RBFOX1: variants seen among roughly 807,000 people sequenced by gnomAD.
The protein encoded by RBFOX1 is RNA binding fox-1 homolog 1.
In RBFOX1, 8 loss-of-function variants were observed where a neutral mutation model predicts 57.7. The observed-to-expected ratio is 0.14, with a 90% confidence interval of 0.08 to 0.25. The LOEUF is 0.25. Ranked by LOEUF, RBFOX1 falls within the 10% of genes least tolerant of loss-of-function variation. The pLI is 1.00. For synonymous variants in RBFOX1, 326 were observed against 222.4 expected (o/e 1.47, Z -4.15); for missense variants, 611 against 548.5 (o/e 1.11, Z -1.14).
At chr16:6,417,515 G>A (rs1328473484) in intron 2 of RBFOX1, among the ~76,000 whole-genome samples, 4 of 139,350 alleles carry the variant, frequency 2.9e-5, no homozygotes, top group South Asian at 2.3e-4. Flanking sequence ...TCAGCCTCCC[G>A]AATAGCTGGG....
intron 13 of RBFOX1, among the ~76,000 whole-genome samples, chr16:7,670,669 T>C (rs2071115135): frequency 6.6e-6 from 1 of 152,042 alleles, no homozygotes; most frequent in South Asian, 2.1e-4. Flanking sequence ...ACTTTTAACA[T>C]AAGGAAGCAA....
At chr16:7,557,620 AAAAAAAAAAAAAAAAAAAAAAAGAAAAAG>A (rs1220906937) in intron 5 of RBFOX1, among the ~76,000 whole-genome samples, 1 of 42,954 alleles carries the variant, frequency 2.3e-5, no homozygotes, top group Non-Finnish European at 4.6e-5. Flanking sequence ...ACTCTGTCTC[AAAAAAAAAAAAAAAAAAAAAAAGAAAAAG>A]AAAAAAAAAA....
intron 3 of RBFOX1, among the ~76,000 whole-genome samples, chr16:6,659,799 G>A (rs1401040130): frequency 1.3e-5 from 2 of 152,158 alleles, no homozygotes; most frequent in Non-Finnish European, 2.9e-5. Context: ...GGGGTGGTCA[G>A]ATGTCTTCTG....
chr16:7,402,836 G>C (rs962995615), intron 4 of RBFOX1, among the ~76,000 whole-genome samples: 15 of 152,116 alleles, frequency 9.9e-5, no homozygotes, highest in African/African-American at 2.7e-4. Flanking sequence ...ATTTATCTGA[G>C]GGCACCTGTA....
At chr16:6,176,245 A>G (rs2097006823) in intron 1 of RBFOX1, among the ~76,000 whole-genome samples, 2 of 151,302 alleles carry the variant, frequency 1.3e-5, no homozygotes, top group Admixed American at 6.6e-5. Flanking sequence ...TCCCCAGTTC[A>G]AGTAATTCTC....
intron 1 of RBFOX1, among the ~76,000 whole-genome samples, chr16:6,096,729 C>T (rs1424121): frequency 0.14 from 22,041 of 152,160 alleles, 2,146 homozygotes; most frequent in African/African-American, 0.27. Flanking sequence ...ATTGTCACTA[C>T]GAAATAAAGG....
intron 4 of RBFOX1, among the ~76,000 whole-genome samples, chr16:7,218,046 C>T (rs2092382427): frequency 6.8e-6 from 1 of 148,084 alleles, no homozygotes; most frequent in Non-Finnish European, 1.5e-5. Context: ...CGTGTGCGTG[C>T]ATTTGCATGC....
At chr16:5,242,432 C>A (rs2001555) in intron 1 of RBFOX1, among the ~76,000 whole-genome samples, 2 of 151,320 alleles carry the variant, frequency 1.3e-5, no homozygotes, top group Non-Finnish European at 3.0e-5. Context: ...AAATTTGGCC[C>A]AAAGCCCACT....
In RBFOX1 at chr16:6,145,169, T is replaced by C. The variant is rs1002266201; in HGVS notation, c.-127+125177T>C. On this transcript the variant is annotated intron_variant, in intron 1 of 15. Transcript: ENST00000550418. ...CCTACTGCCCATTAGTTATATTTCC[T>C]GATCCTCTCCCATTTCCCACCCTCC... Among the ~76,000 whole-genome samples the C allele has an allele frequency of 3.9e-5, 6 of 152,258 alleles. No homozygotes were observed. In the East Asian group the frequency reaches 1.2e-3, roughly 29 times the overall value.
At chr16:6,961,152 G>C (rs12923288) in intron 3 of RBFOX1, among the ~76,000 whole-genome samples, 89,234 of 146,944 alleles carry the variant, frequency 0.61, 27,281 homozygotes, top group Non-Finnish European at 0.63. Flanking sequence ...CACCCACACA[G>C]ACACACACAC....
intron 3 of RBFOX1, among the ~76,000 whole-genome samples, chr16:7,043,176 G>T (rs144290847): frequency 1.3e-5 from 2 of 152,232 alleles, no homozygotes; most frequent in East Asian, 1.9e-4. Context: ...CTCAGCTCCA[G>T]AAACAACTGA....
At chr16:7,687,206 G>A (rs2076252707) in intron 14 of RBFOX1, among the ~76,000 whole-genome samples, 1 of 151,988 alleles carries the variant, frequency 6.6e-6, no homozygotes, top group South Asian at 2.1e-4. Flanking sequence ...ACACTAAACT[G>A]AATAAAAGTG....
intron 3 of RBFOX1, among the ~76,000 whole-genome samples, chr16:6,909,528 C>CTG (rs1482105099): frequency 6.6e-6 from 1 of 152,206 alleles, no homozygotes; most frequent in Admixed American, 6.5e-5. Context: ...GGCGTTCCAC[C>CTG]TGTGTGATGG....
intron 1 of RBFOX1, among the ~76,000 whole-genome samples, chr16:5,282,958 C>T (rs1013611929): frequency 6.6e-6 from 1 of 152,080 alleles, no homozygotes; most frequent in African/African-American, 2.4e-5. Flanking sequence ...CATCAAAGGC[C>T]CAGAGGCCTA....
chr16:6,759,810 T>A (rs9925893), intron 3 of RBFOX1, among the ~76,000 whole-genome samples: 1 of 151,954 alleles, frequency 6.6e-6, no homozygotes, highest in Admixed American at 6.6e-5. Context: ...TGAGGATGTT[T>A]ATTACTAGAT....
intron 1 of RBFOX1, among the ~76,000 whole-genome samples, chr16:5,346,691 G>C (rs1468626472): frequency 6.6e-6 from 1 of 152,204 alleles, no homozygotes; most frequent in Non-Finnish European, 1.5e-5. Flanking sequence ...AGATGAAACA[G>C]CTTTGCTGTT....
rs1301188354 is a variant in RBFOX1, at chr16:5,984,969, TA to T, written c.351+117635del. Among the ~76,000 whole-genome samples the T allele has an allele frequency of 8.9e-3, 487 of 54,948 alleles. 4 individuals carry two copies. The highest frequency in any genetic ancestry group is 0.029 in the African/African-American group (348 of 12,188). The allele number at this position is 54,948 out of a possible 152,430, so 36.0% of individuals were successfully genotyped here. On this transcript the variant is annotated intron_variant, in intron 4 of 19. Transcript: ENST00000641259. ...CATTATATATATATATATATATATATATATATATTTTTTTTTTTTTTTTTTT... is the reference window on the plus strand; with the variant it reads ...CATTATATATATATATATATATATATTATATATTTTTTTTTTTTTTTTTTT...
intron 4 of RBFOX1, among the ~76,000 whole-genome samples, chr16:5,950,807 C>G (rs2059504608): frequency 6.6e-6 from 1 of 151,902 alleles, no homozygotes; most frequent in South Asian, 2.1e-4. Context: ...TACCTGAGTT[C>G]AAGGGAAACT....
At chr16:7,548,826 T>A (rs2085413893) in intron 5 of RBFOX1, among the ~76,000 whole-genome samples, 1 of 152,188 alleles carries the variant, frequency 6.6e-6, no homozygotes, top group Admixed American at 6.5e-5. Flanking sequence ...GAGAGGAAAT[T>A]CCAGGCATGA....
Sources: allele counts gnomAD v4.1 joint callset (sites outside exome capture counted in the v4.1 genomes callset), GRCh38; gene constraint gnomAD v4.1.1; transcripts MANE v1.5; gene names NCBI Gene and HGNC (gene_info 2026-07-23, HGNC 2026-07-21).